Variants in RCC2 observed in about 807,000 individuals in gnomAD.
RCC2 encodes the protein protein RCC2.
Under a neutral mutation model 64.1 loss-of-function variants are expected in RCC2, and 19 were observed. The observed-to-expected ratio is 0.30, with a 90% CI of 0.21 to 0.44. The LOEUF (loss-of-function observed/expected upper bound fraction) is 0.44, where lower values mean the gene tolerates loss of function less well. Among genes scored for constraint, RCC2 ranks in the 20% least tolerant of loss-of-function variants. The pLI, the probability that RCC2 is intolerant of heterozygous loss-of-function variation, is 1.00. For synonymous variants in RCC2, 325 were observed against 279.6 expected (o/e 1.16, Z -1.62); for missense variants, 508 against 710.4 (o/e 0.72, Z 3.24).
At chr1:17,410,348 G>A (rs1282062408) in intron 11 of RCC2, among the ~76,000 whole-genome samples, 1 of 152,212 alleles carries the variant, frequency 6.6e-6, no homozygotes, top group African/African-American at 2.4e-5. Flanking sequence ...TGGCACTGGT[G>A]ACAAGAGATG....
chr1:17,411,449 G>A (rs908992356), intron 11 of RCC2, among the ~76,000 whole-genome samples: 3 of 152,034 alleles, frequency 2.0e-5, no homozygotes, highest in Admixed American at 6.6e-5. Flanking sequence ...GGTGGCAAAC[G>A]CCTAGAGTCC....
chr1:17,435,902 C>G lies in RCC2; in HGVS notation c.285+2328G>C, dbSNP rs182179646. Among the ~76,000 whole-genome samples the G allele has an allele frequency of 7.4e-4, 102 of 137,372 alleles. 1 individual carries two copies. The highest frequency in any genetic ancestry group is 2.7e-3 in the African/African-American group (98 of 35,794). 90.1% of individuals were successfully genotyped at this position (137,372 alleles called of 152,430 possible). A position where few individuals can be genotyped will look rare whatever the true frequency, so the allele number is the denominator to read the frequency against. On this transcript the variant is annotated intron_variant, in intron 2 of 12. Coordinates refer to ENST00000375436, the MANE Select transcript of RCC2 (RefSeq NM_018715.4). Reference sequence around the variant, plus strand: ...CATTGCACTCCAACCTGGGCAACAACAGCTAAACTCCAGCTCAAAAAAAAA... The same window carrying G: ...CATTGCACTCCAACCTGGGCAACAAGAGCTAAACTCCAGCTCAAAAAAAAA...
rs2075766247 is a variant in RCC2 at position 17,438,384 on chromosome 1, C to G, written c.131G>C (p.Ser44Thr). 8.0e-7 allele frequency: 1 copy of G among 1,257,340 alleles called. No individual in the cohort carries two copies. Among genetic ancestry groups the G allele is most frequent in the Non-Finnish European group, 9.9e-7 (1 of 1,005,212 alleles). 77.9% of individuals were successfully genotyped at this position (1,257,340 alleles called of 1,614,324 possible). The change falls in exon 2 of 13, where the codon AGC becomes ACC. Residue 44 changes from serine (S) to threonine (T), a missense_variant. Transcript: ENST00000375436. ...RKRERPERCS[S>T]SSGGGSSGDE... The stretch of plus-strand genomic sequence containing the variant: ...GCCGCTGCTGCCGCCGCCGCTGCTG[C>G]TACTGCAGCGCTCGGGCCGCTCGCG...
At chr1:17,420,621 CATTTCT>C (rs2075545732) in intron 7 of RCC2, 87 bp downstream of exon 7, 1 of 726,470 alleles carries the variant, frequency 1.4e-6, no homozygotes, top group Non-Finnish European at 2.2e-6. Flanking sequence ...CAATTACCCA[CATTTCT>C]AACACGTGTG....
At chr1:17,412,955 AG>A in intron 10 of RCC2, 117 bp downstream of exon 10, 1 of 716,550 alleles carries the variant, frequency 1.4e-6, no homozygotes, top group African/African-American at 1.8e-5. Flanking sequence ...TGGCCTGCTG[AG>A]GACAGCCCAA....
intron 5 of RCC2, 29 bp from the exon 6 acceptor site, chr1:17,422,320 G>T: frequency 1.0e-5 from 16 of 1,534,104 alleles, no homozygotes; most frequent in Non-Finnish European, 1.3e-5. Context: ...ATCACAAAAG[G>T]GAAGATAATG....
At chr1:17,420,545 G>T (rs557211748) in intron 7 of RCC2, among the ~76,000 whole-genome samples, 169 bp downstream of exon 7, 15 of 152,244 alleles carry the variant, frequency 9.9e-5, no homozygotes, top group African/African-American at 3.6e-4. Context: ...ATAATCCTGT[G>T]AATGAGGACG....
At chr1:17,416,762 C>A in intron 7 of RCC2, 116 bp from the exon 8 acceptor site, 1 of 1,063,960 alleles carries the variant, frequency 9.4e-7, no homozygotes, top group East Asian at 2.6e-5. Context: ...CCCTTCTGGG[C>A]CTTAGACCAG....
chr1:17,438,175 C>G (rs1570217671), intron 2 of RCC2, 55 bp downstream of exon 2: 2 of 1,131,290 alleles, frequency 1.8e-6, no homozygotes, highest in East Asian at 5.4e-5. Flanking sequence ...TGCCGCGTCG[C>G]TGAGCCCGCC....
At chr1:17,421,539 C>A (rs2075556310) in intron 6 of RCC2, among the ~76,000 whole-genome samples, 1 of 152,026 alleles carries the variant, frequency 6.6e-6, no homozygotes, top group African/African-American at 2.4e-5. Context: ...GTATTCTAAG[C>A]ATCTGGCTGG....
In RCC2 at chr1:17,428,386, G is replaced by A. The variant is rs757567329; in HGVS notation, c.379+720C>T. The stretch of plus-strand genomic sequence containing the variant: ...CCATTTCTAATTCAGCTGGCCCCCA[G>A]GTGTTTTCATGGAACAAGGTGATTT... On this transcript the variant is annotated intron_variant, in intron 3 of 12. Transcript: ENST00000375436. Among the ~76,000 whole-genome samples, 25 of 151,906 alleles carry A rather than the reference G, an allele frequency of 1.6e-4. 1 individual carries two copies. The highest frequency in any genetic ancestry group is 5.6e-4 in the African/African-American group (23 of 41,380).
rs933825054 is a variant in RCC2 at position 17,425,616 on chromosome 1, C to T, written c.448G>A (p.Val150Met). 1.9e-6 allele frequency: 3 copies of T among 1,614,100 alleles called. No homozygotes were observed. The highest frequency in any genetic ancestry group is 1.7e-5 in the Admixed American group (1 of 60,024). The change falls in exon 4 of 13, where the codon GTG (valine) becomes ATG (methionine). Residue 150 changes from valine (V) to methionine (M), a missense_variant. Physicochemically the swap from Val to Met is conservative, Grantham distance 21 (BLOSUM62 1). Coordinates refer to ENST00000375436, the MANE Select transcript of RCC2 (RefSeq NM_018715.4). ...CACGAGCCCGAGACCACTGTCCGCACCCGGACCCCCGCCAGGCACCCATAT... is the reference window on the plus strand; with the variant it reads ...CACGAGCCCGAGACCACTGTCCGCATCCGGACCCCCGCCAGGCACCCATAT... ...HRYGCLAGVR[V>M]RTVVSGSCAA...
Position 17,413,153 on chromosome 1 carries a change from G to C in RCC2, c.1233C>G (p.Thr411=). The part of the protein sequence containing the change: ...EVGGLFFWGA[T]NTSRESTMYP... ...ACATGGTAGATTCACGGGAGGTGTT[G>C]GTGGCCCCCCAGAAAAACAGACCAC... Residue 411 remains threonine (T), a synonymous_variant, in exon 10 of 13, where the codon ACC becomes ACG. Transcript: ENST00000375436. The C allele has an allele frequency of 6.2e-7, 1 of 1,614,028 alleles. No individual in the cohort carries two copies. Among genetic ancestry groups the C allele is most frequent in the Non-Finnish European group, 8.5e-7 (1 of 1,179,928 alleles).
At chr1:17,431,362 ATATATAT>A (rs2075677748) in intron 2 of RCC2, among the ~76,000 whole-genome samples, 1 of 44,854 alleles carries the variant, frequency 2.2e-5, no homozygotes, top group African/African-American at 7.6e-5. Flanking sequence ...AAAAAAAAAT[ATATATAT>A]ATATATATAT....
At position 17,413,556 on chromosome 1, in the gene RCC2, G is replaced by A. The variant is rs761788877; in HGVS notation, c.1188C>T (p.Ser396=). 6.8e-6 allele frequency: 11 copies of A among 1,614,034 alleles called. No homozygotes were observed. The South Asian group carries it at 1.2e-4, about 18-fold the overall frequency. Reference sequence around the variant, plus strand: ...ACTAACCCACTTCACTGACAGCAAAGGAGCAGGTGTAACCAGCATAGATCT... The same window carrying A: ...ACTAACCCACTTCACTGACAGCAAAAGAGCAGGTGTAACCAGCATAGATCT... ...ASQIYAGYTC[S]FAVSEVGGLF... is the part of the protein sequence containing the mutation. Residue 396 remains serine (S), a synonymous_variant, in exon 9 of 13, where the codon TCC becomes TCT. Coordinates refer to ENST00000375436, the MANE Select transcript of RCC2 (RefSeq NM_018715.4).
chr1:17,412,179 A>G lies in RCC2; in HGVS notation c.1329T>C (p.Ile443=). Residue 443 remains isoleucine, a synonymous_variant, in exon 11 of 13, where the codon ATT becomes ATC. Transcript: ENST00000375436. ...TGATGGTGCTCTCATCGGCGGCCAC[A>G]ATGATGCTGCTCTTCCTGCAAACAG... ...RSLACGKSSI[I]VAADESTISW... 6.2e-7 allele frequency: 1 copy of G among 1,614,094 alleles called. No individual in the cohort carries two copies. Among genetic ancestry groups the G allele is most frequent in the Middle Eastern group, 1.6e-4 (1 of 6,062 alleles).
rs1480027740 is a variant in RCC2, at chr1:17,407,661, A to AT, written c.*1428dup. The AT allele has an allele frequency of 9.2e-5, 14 of 152,476 alleles. No homozygotes were observed. Among genetic ancestry groups the AT allele is most frequent in the African/African-American group, 2.4e-4 (10 of 41,390 alleles). 9.4% of individuals were successfully genotyped at this position (152,476 alleles called of 1,614,324 possible). On this transcript the variant is annotated 3_prime_UTR_variant, in exon 13 of 13. Transcript: ENST00000375436. ...GGAAAAAAGCAACAACAACTACATC[A>AT]TTTTTGGCATTTTAACATGGAGACA...
At chr1:17,436,835 G>A (rs182550740) in intron 2 of RCC2, among the ~76,000 whole-genome samples, 84 of 152,302 alleles carry the variant, frequency 5.5e-4, no homozygotes, top group Non-Finnish European at 6.5e-4. Flanking sequence ...TACTGTGTTC[G>A]GAGGGCAAAT....
intron 3 of RCC2, among the ~76,000 whole-genome samples, chr1:17,426,332 C>G (rs917281428): frequency 2.6e-5 from 4 of 152,150 alleles, no homozygotes; most frequent in South Asian, 2.1e-4. Context: ...CTCCTGCTCC[C>G]TTCTCACCCG....
Sources: gnomAD v4.1 joint callset for allele counts (sites outside exome capture counted in the v4.1 genomes callset) on GRCh38, gnomAD v4.1.1 for gene constraint, MANE v1.5 for transcripts, NCBI Gene and HGNC (gene_info 2026-07-23, HGNC 2026-07-21) for gene names.